The following IPO11 variants were observed in gnomAD, a reference collection of about 807,000 sequenced individuals.
The protein encoded by IPO11 is importin 11.
In IPO11, 66 loss-of-function variants were observed where a neutral mutation model predicts 143.2. The ratio of observed to expected loss-of-function variants is 0.46; its 90% confidence interval spans 0.38 to 0.57. IPO11 has a LOEUF of 0.57. Among genes scored for constraint, IPO11 ranks in the 20% least tolerant of loss-of-function variants. The pLI, the probability that IPO11 is intolerant of heterozygous loss-of-function variation, is 0.00. For missense variants in IPO11, 1,026 were observed against 1,141.0 expected (o/e 0.90, Z 1.45); for synonymous variants, 385 against 377.8 (o/e 1.02, Z -0.22).
intron 27 of IPO11, among the ~76,000 whole-genome samples, chr5:62,576,560 G>T (rs1744320951): frequency 6.6e-6 from 1 of 152,210 alleles, no homozygotes; most frequent in Admixed American, 6.5e-5. Flanking sequence ...GGAGGCCAAG[G>T]TGGGAGGATT....
chr5:62,442,323 A>G (rs566356315), intron 2 of IPO11, among the ~76,000 whole-genome samples: 159 of 152,234 alleles, frequency 1.0e-3, no homozygotes, highest in Admixed American at 4.5e-3. Flanking sequence ...GTATGGGCTT[A>G]TGGTATTCAT....
At chr5:62,541,117 A>T (rs1742920089) in intron 24 of IPO11, among the ~76,000 whole-genome samples, 1 of 152,194 alleles carries the variant, frequency 6.6e-6, no homozygotes, top group Admixed American at 6.5e-5. Flanking sequence ...CAGGCCTGTA[A>T]TCCCAGCACT....
chr5:62,582,318 A>G (rs887173677), intron 27 of IPO11, among the ~76,000 whole-genome samples: 1 of 152,212 alleles, frequency 6.6e-6, no homozygotes, highest in Non-Finnish European at 1.5e-5. Flanking sequence ...CTTTGAAAGT[A>G]AAATGAACTG....
rs1298724640 is a variant in IPO11 at position 62,483,561 on chromosome 5, C to T, written c.1021+268C>T. Reference sequence around the variant, plus strand: ...TTAGGTACTATAGTCATCACTGCAGCTCATATTGTAGGGTGTATTCATTTG... The same window carrying T: ...TTAGGTACTATAGTCATCACTGCAGTTCATATTGTAGGGTGTATTCATTTG... On this transcript the variant is annotated intron_variant, in intron 10 of 29. Coordinates refer to ENST00000325324, the MANE Select transcript of IPO11 (RefSeq NM_016338.5). Among the ~76,000 whole-genome samples the T allele has an allele frequency of 4.6e-5, 7 of 152,124 alleles. No homozygotes were observed. The East Asian group carries it at 1.3e-3, about 29-fold the overall frequency.
At chr5:62,604,584 A>G (rs1184891390) in intron 29 of IPO11, among the ~76,000 whole-genome samples, 4 of 152,084 alleles carry the variant, frequency 2.6e-5, no homozygotes, top group Non-Finnish European at 4.4e-5. Flanking sequence ...ATAGCCTAAC[A>G]TTTGTCTTTC....
At chr5:62,447,556 C>G (rs1339556698) in intron 3 of IPO11, among the ~76,000 whole-genome samples, 2 of 151,860 alleles carry the variant, frequency 1.3e-5, no homozygotes, top group Non-Finnish European at 2.9e-5. Flanking sequence ...TGTTCTTTCT[C>G]CATTGCATTA....
intron 5 of IPO11, among the ~76,000 whole-genome samples, chr5:62,466,246 A>T (rs1745570163): frequency 6.6e-6 from 1 of 152,092 alleles, no homozygotes. Flanking sequence ...GCCCTGGGGG[A>T]TATGGTGAAG....
chr5:62,418,989 A>T, intron 1 of IPO11: 1 of 1,546,058 alleles, frequency 6.5e-7, no homozygotes, highest in South Asian at 1.2e-5. Flanking sequence ...TTGTTGTTCT[A>T]TGAACATCAT....
Position 62,504,930 on chromosome 5 carries a change from A to T in IPO11, c.1665+32A>T, listed in dbSNP as rs532750847. 223 of 1,302,146 alleles carry T rather than the reference A, an allele frequency of 1.7e-4. 1 individual carries two copies. Among genetic ancestry groups the T allele is most frequent in the Middle Eastern group, 1.5e-3 (8 of 5,272 alleles). The allele number at this position is 1,302,146 out of a possible 1,614,324, so 80.7% of individuals were successfully genotyped here. ...ATATACATTTCCAGGTATTTTTTTT[A>T]AAAAACAATTTCTGCTTATGTCTTT... On this transcript the variant is annotated intron_variant, in intron 18 of 29. Coordinates refer to ENST00000325324, the MANE Select transcript of IPO11 (RefSeq NM_016338.5).
At chr5:62,554,298 A>G (rs918119200) in intron 26 of IPO11, among the ~76,000 whole-genome samples, 24 of 152,024 alleles carry the variant, frequency 1.6e-4, no homozygotes, top group African/African-American at 4.8e-4. Context: ...CCATTTGTCT[A>G]TTTTTCCTTT....
chr5:62,502,302 C>T (rs557552463), intron 16 of IPO11, among the ~76,000 whole-genome samples: 63 of 152,202 alleles, frequency 4.1e-4, no homozygotes, highest in South Asian at 1.2e-3. Flanking sequence ...ACTTTTCTAC[C>T]AGTCTTCTAG....
chr5:62,524,751 T>G (rs1326019674), intron 20 of IPO11, among the ~76,000 whole-genome samples: 4 of 152,176 alleles, frequency 2.6e-5, no homozygotes, highest in Non-Finnish European at 5.9e-5. Context: ...ACTGGAGAAT[T>G]GCAGATAAAA....
At chr5:62,576,492 A>G (rs1298958732) in intron 27 of IPO11, among the ~76,000 whole-genome samples, 1 of 152,178 alleles carries the variant, frequency 6.6e-6, no homozygotes, top group Non-Finnish European at 1.5e-5. Flanking sequence ...TAGATGGTAT[A>G]TATCTAAATA....
At chr5:62,426,820 T>TCA (rs1488140155) in intron 1 of IPO11, among the ~76,000 whole-genome samples, 1 of 148,998 alleles carries the variant, frequency 6.7e-6, no homozygotes, top group East Asian at 1.9e-4. Context: ...TTTTATTTTT[T>TCA]TATATATATT....
chr5:62,604,282 C>T (rs1367816084), intron 29 of IPO11, among the ~76,000 whole-genome samples: 1 of 152,126 alleles, frequency 6.6e-6, no homozygotes, highest in Non-Finnish European at 1.5e-5. Flanking sequence ...GATCTCGGCT[C>T]TCTGCAACCT....
intron 16 of IPO11, among the ~76,000 whole-genome samples, chr5:62,497,856 T>A (rs1041399130): frequency 1.3e-5 from 2 of 152,214 alleles, no homozygotes; most frequent in African/African-American, 4.8e-5. Flanking sequence ...CTTTCTTTTT[T>A]AAAAAATAAG....
chr5:62,484,425 A>G (rs986897036), intron 11 of IPO11, among the ~76,000 whole-genome samples: 2 of 152,152 alleles, frequency 1.3e-5, no homozygotes, highest in African/African-American at 2.4e-5. Flanking sequence ...TATATCATGT[A>G]GTTTCAAACA....
intron 20 of IPO11, among the ~76,000 whole-genome samples, chr5:62,523,899 T>C (rs956185975): frequency 2.0e-5 from 3 of 151,036 alleles, no homozygotes; most frequent in Non-Finnish European, 3.0e-5. Flanking sequence ...ATTTGGAGGA[T>C]GCTATTTTTT....
In IPO11 at chr5:62,598,501, T is replaced by C. The variant is rs1580370996; in HGVS notation, c.2679-3263T>C. ...CTCTCTCTCTCTCTCTCTCTTTCTTTCTTTCTTTCTTTCTTTCTTTCTTTC... is the reference window on the plus strand; with the variant it reads ...CTCTCTCTCTCTCTCTCTCTTTCTTCCTTTCTTTCTTTCTTTCTTTCTTTC... On this transcript the variant is annotated intron_variant, in intron 28 of 29. Coordinates refer to ENST00000325324, the MANE Select transcript of IPO11 (RefSeq NM_016338.5). Among the ~76,000 whole-genome samples the C allele has an allele frequency of 8.3e-4, 5 of 6,044 alleles. No individual in the cohort carries two copies. In the African/African-American group the frequency reaches 0.014, roughly 17 times the overall value. 4.0% of individuals were successfully genotyped at this position (6,044 alleles called of 152,430 possible).
Sources: allele counts gnomAD v4.1 joint callset (sites outside exome capture counted in the v4.1 genomes callset), GRCh38; gene constraint gnomAD v4.1.1; transcripts MANE v1.5; gene names NCBI Gene and HGNC (gene_info 2026-07-23, HGNC 2026-07-21).